WDR47: variants seen among roughly 807,000 people sequenced by gnomAD.
WDR47 encodes WD repeat domain 47.
WDR47 carries 32 observed loss-of-function variants against 97.2 expected under a neutral mutation model. The ratio of observed to expected loss-of-function variants is 0.33; its 90% CI spans 0.25 to 0.44. WDR47 has a LOEUF of 0.44. Among genes scored for constraint, WDR47 ranks in the 20% least tolerant of loss-of-function variants. The probability of loss-of-function intolerance (pLI) is 1.00; values close to 1 mark genes in which losing one functional copy is unlikely to be tolerated. For synonymous variants in WDR47, 375 were observed against 373.5 expected (o/e 1.00, Z -0.05); for missense variants, 782 against 1,102.3 (o/e 0.71, Z 4.11).
At chr1:109,035,248 A>G (rs930248553) in intron 1 of WDR47, among the ~76,000 whole-genome samples, 7 of 120,638 alleles carry the variant, frequency 5.8e-5, no homozygotes, top group African/African-American at 9.9e-5. Context: ...CCTGTCTCAG[A>G]AAAAAAAAAA....
intron 10 of WDR47, among the ~76,000 whole-genome samples, chr1:108,984,079 C>A (rs188400986): frequency 3.5e-4 from 53 of 152,152 alleles, no homozygotes; most frequent in Non-Finnish European, 4.6e-4. Flanking sequence ...GCTGAGCATG[C>A]AGCAATGGAA....
intron 9 of WDR47, among the ~76,000 whole-genome samples, chr1:108,990,584 T>C (rs556976794): frequency 2.0e-5 from 3 of 152,234 alleles, no homozygotes; most frequent in African/African-American, 4.8e-5. Flanking sequence ...AAATATTCCT[T>C]TGTGCTTATC....
intron 7 of WDR47, among the ~76,000 whole-genome samples, chr1:108,997,372 G>A (rs571653383): frequency 2.6e-4 from 40 of 151,704 alleles, no homozygotes; most frequent in Non-Finnish European, 5.0e-4. Context: ...GGGCCCAGGA[G>A]GTCAAGGCTG....
intron 1 of WDR47, among the ~76,000 whole-genome samples, chr1:109,038,614 G>A (rs1207142353): frequency 6.6e-6 from 1 of 151,858 alleles, no homozygotes; most frequent in Non-Finnish European, 1.5e-5. Flanking sequence ...AGGAGTTTGA[G>A]GCTGCAGTGG....
In WDR47 at chr1:109,028,362, G is replaced by GTTTTTTTTTTTT. The variant is rs372929187; in HGVS notation, c.-9-4853_-9-4842dup. Among the ~76,000 whole-genome samples, 210 of 79,796 alleles carry GTTTTTTTTTTTT rather than the reference G, an allele frequency of 2.6e-3. 4 individuals are homozygous for GTTTTTTTTTTTT. Among genetic ancestry groups the GTTTTTTTTTTTT allele is most frequent in the Non-Finnish European group, 3.0e-3 (139 of 46,562 alleles). The allele number at this position is 79,796 out of a possible 152,430, so 52.3% of individuals were successfully genotyped here. On this transcript the variant is annotated intron_variant, in intron 1 of 14. Coordinates refer to ENST00000369962, the MANE Select transcript of WDR47 (RefSeq NM_001142551.2). ...ACTGGGCCCAGCTAATTTTTGTTGG[G>GTTTTTTTTTTTT]TTTTTTTTTTTTTTTTTTTTTTGTA... is the stretch of plus-strand genomic sequence containing the variant.
At chr1:108,975,528 G>A (rs996485666) in intron 13 of WDR47, among the ~76,000 whole-genome samples, 1 of 151,454 alleles carries the variant, frequency 6.6e-6, no homozygotes, top group African/African-American at 2.4e-5. Context: ...TGCTGAGGCA[G>A]GAGAATCGCT....
intron 1 of WDR47, among the ~76,000 whole-genome samples, chr1:109,030,961 G>T (rs1662574279): frequency 7.2e-6 from 1 of 139,130 alleles, no homozygotes; most frequent in Non-Finnish European, 1.6e-5. Context: ...TAATTTCTAT[G>T]ATTTCCCTTC....
At chr1:108,978,057 T>A (rs1262162611) in intron 13 of WDR47, among the ~76,000 whole-genome samples, 1 of 151,888 alleles carries the variant, frequency 6.6e-6, no homozygotes, top group East Asian at 1.9e-4. Flanking sequence ...GAAACTATAC[T>A]TGAACAGTTC....
chr1:109,017,236 C>A (rs752675355), intron 3 of WDR47, among the ~76,000 whole-genome samples: 4 of 152,066 alleles, frequency 2.6e-5, no homozygotes, highest in Non-Finnish European at 5.9e-5. Context: ...AACCCTAACT[C>A]TAAAAAAAAT....
At chr1:108,973,164 G>A (rs1351451729) in intron 14 of WDR47, among the ~76,000 whole-genome samples, 1 of 151,556 alleles carries the variant, frequency 6.6e-6, no homozygotes, top group African/African-American at 2.4e-5. Context: ...TATGCAAATG[G>A]CATTTCCTTG....
chr1:108,983,575 A>T, intron 10 of WDR47, 124 bp from the exon 11 acceptor site: 1 of 772,916 alleles, frequency 1.3e-6, no homozygotes, highest in Non-Finnish European at 1.8e-6. Flanking sequence ...GCTTATTAAT[A>T]GTTTTCAAAA....
At chr1:109,013,696 T>C in intron 4 of WDR47, 145 bp downstream of exon 4, 2 of 752,038 alleles carry the variant, frequency 2.7e-6, no homozygotes, top group Non-Finnish European at 4.3e-6. Context: ...ATGAAAATAC[T>C]ACACCTGGAA....
intron 5 of WDR47, 152 bp from the exon 6 acceptor site, chr1:109,004,867 T>G: frequency 4.1e-6 from 4 of 978,030 alleles, no homozygotes; most frequent in Non-Finnish European, 5.5e-6. Context: ...CTCCGCTCAC[T>G]GCAACCTCTA....
intron 12 of WDR47, among the ~76,000 whole-genome samples, 167 bp from the exon 13 acceptor site, chr1:108,982,031 T>C (rs1306746669): frequency 6.6e-6 from 1 of 151,306 alleles, no homozygotes; most frequent in Non-Finnish European, 1.5e-5. Flanking sequence ...GAGGCTGCAG[T>C]GAGCTATGAT....
chr1:108,985,976 C>CAAAAAAAAAAAAAAA (rs35165386), intron 10 of WDR47, among the ~76,000 whole-genome samples: 1 of 96,152 alleles, frequency 1.0e-5, no homozygotes, highest in Admixed American at 1.2e-4. Flanking sequence ...ATAGAGATAG[C>CAAAAAAAAAAAAAAA]AAAAAAAAAA....
chr1:108,972,810 G>C (rs1571121166), intron 14 of WDR47, among the ~76,000 whole-genome samples: 1 of 152,194 alleles, frequency 6.6e-6, no homozygotes, highest in East Asian at 1.9e-4. Context: ...AGCCAGGTGT[G>C]GTGGCGGGCG....
chr1:108,997,974 T>C (rs567240646), intron 7 of WDR47, among the ~76,000 whole-genome samples: 127 of 152,282 alleles, frequency 8.3e-4, no homozygotes, highest in South Asian at 2.1e-3. Context: ...TGTTTATTTA[T>C]ATTTTTAGGG....
intron 7 of WDR47, among the ~76,000 whole-genome samples, chr1:109,000,637 C>T (rs537316091): frequency 1.3e-5 from 2 of 151,698 alleles, no homozygotes; most frequent in Admixed American, 6.6e-5. Flanking sequence ...GATCAGATTG[C>T]GCTACTGCAC....
chr1:108,983,383 T>C lies in WDR47; in HGVS notation c.1994A>G (p.Tyr665Cys). 1 of 1,613,012 alleles carries C rather than the reference T, an allele frequency of 6.2e-7. No homozygotes were observed. The highest frequency in any genetic ancestry group is 8.5e-7 in the Non-Finnish European group (1 of 1,179,452). The change falls in exon 11 of 15, where the codon TAC becomes TGC. Residue 665 changes from tyrosine (Y) to cysteine (C), a missense_variant. Physicochemically the swap from Tyr to Cys is radical, Grantham distance 194. Coordinates refer to ENST00000369962, the MANE Select transcript of WDR47 (RefSeq NM_001142551.2). Reference protein sequence around the residue: ...KRNKHHKGSIYCVAWSPCGQL... With the variant: ...KRNKHHKGSICCVAWSPCGQL... ...CCCACAAGGACTCCAGGCCACACAG[T>C]AAATGGATCCTTTATGATGTTTATT...
Sources: allele counts gnomAD v4.1 joint callset (sites outside exome capture counted in the v4.1 genomes callset), GRCh38; gene constraint gnomAD v4.1.1; transcripts MANE v1.5; gene names NCBI Gene and HGNC (gene_info 2026-07-23, HGNC 2026-07-21).